USP31: variants seen among roughly 807,000 people sequenced by gnomAD.
The protein encoded by USP31 is ubiquitin carboxyl-terminal hydrolase 31.
USP31 carries 44 observed loss-of-function variants against 119.4 expected under a neutral mutation model. That is an observed-to-expected ratio of 0.37 (90% CI 0.29 to 0.47). USP31 has a LOEUF of 0.47. Ranked by LOEUF, USP31 falls within the 20% of genes least tolerant of loss-of-function variation. The probability of loss-of-function intolerance (pLI) is 0.99; values close to 1 mark genes in which losing one functional copy is unlikely to be tolerated. For synonymous variants in USP31, 749 were observed against 705.6 expected (o/e 1.06, Z -0.97); for missense variants, 1,643 against 1,730.2 (o/e 0.95, Z 0.89).
chr16:23,084,815 T>A (rs754377412), intron 11 of USP31, 45 bp downstream of exon 11: 1 of 1,604,890 alleles, frequency 6.2e-7, no homozygotes, highest in Non-Finnish European at 8.5e-7. Flanking sequence ...CATGCCCCAC[T>A]CCCCACTGCC....
At position 23,132,246 on chromosome 16, in the gene USP31, A is replaced by G. The variant is rs115561118; in HGVS notation, c.633+16392T>C. ...CAATTAATTAGCAGAGCAAACAATAATATTTTTGAAGGAAGAAGCAACAGA... is the reference window on the plus strand; with the variant it reads ...CAATTAATTAGCAGAGCAAACAATAGTATTTTTGAAGGAAGAAGCAACAGA... On this transcript the variant is annotated intron_variant, in intron 1 of 15. Coordinates refer to ENST00000219689, the MANE Select transcript of USP31 (RefSeq NM_020718.4). Among the ~76,000 whole-genome samples, 519 of 152,350 alleles carry G rather than the reference A, an allele frequency of 3.4e-3. 3 individuals are homozygous for G. The highest frequency in any genetic ancestry group is 0.012 in the African/African-American group (504 of 41,584).
In USP31 at chr16:23,148,774, G is replaced by C. The variant is rs755764020; in HGVS notation, c.497C>G (p.Pro166Arg). 1 of 1,531,922 alleles carries C rather than the reference G, an allele frequency of 6.5e-7. No homozygotes were observed. The highest frequency in any genetic ancestry group is 1.2e-5 in the South Asian group (1 of 80,812). 94.9% of individuals were successfully genotyped at this position (1,531,922 alleles called of 1,614,324 possible). The change falls in exon 1 of 16, where the codon CCC becomes CGC. Residue 166 changes from proline to arginine, a missense_variant. Coordinates refer to ENST00000219689, the MANE Select transcript of USP31 (RefSeq NM_020718.4). Reference sequence around the variant, plus strand: ...CTGCTCCGGGTCAGGCGAGGGCTCGGGCCGCCCCGCCCGGTACTGGCCCAG... The same window carrying C: ...CTGCTCCGGGTCAGGCGAGGGCTCGCGCCGCCCCGCCCGGTACTGGCCCAG... ...LALGQYRAGR[P>R]EPSPDPEQPA...
intron 1 of USP31, among the ~76,000 whole-genome samples, chr16:23,120,177 T>C (rs1366312678): frequency 6.6e-6 from 1 of 152,140 alleles, no homozygotes; most frequent in East Asian, 1.9e-4. Flanking sequence ...AATTTTGACT[T>C]ACAATCAACA....
At chr16:23,070,903 AATG>A (rs1567224436) in intron 15 of USP31, among the ~76,000 whole-genome samples, 1 of 152,204 alleles carries the variant, frequency 6.6e-6, no homozygotes, top group Non-Finnish European at 1.5e-5. Context: ...ACCATTATAC[AATG>A]ATGATGCTTA....
rs1180518508 is a variant in USP31 at position 23,149,177 on chromosome 16, G to T, written c.94C>A (p.Arg32Ser). Residue 32 changes from arginine (R) to serine (S), a missense_variant, in exon 1 of 16, where the codon CGC (arginine) becomes AGC (serine). Transcript: ENST00000219689. ...SFSKRLFRSG[R>S]AGGGGAGGPG... is the part of the protein sequence containing the mutation. ...CCCCCCGCGCCGCCGCCGCCAGCGC[G>T]GCCGCTCCGAAACAGCCGCTTGCTG... The T allele has an allele frequency of 4.3e-6, 5 of 1,165,304 alleles. No homozygotes were observed. The highest frequency in any genetic ancestry group is 4.0e-5 in the South Asian group (1 of 25,178). The allele number at this position is 1,165,304 out of a possible 1,614,324, so 72.2% of individuals were successfully genotyped here.
chr16:23,089,101 GA>G (rs1299807894), intron 7 of USP31, among the ~76,000 whole-genome samples: 1 of 152,156 alleles, frequency 6.6e-6, no homozygotes, highest in Non-Finnish European at 1.5e-5. Flanking sequence ...CTAGCATCAT[GA>G]AGGGAATTCC....
At chr16:23,089,623 C>A (rs1464048426) in intron 7 of USP31, among the ~76,000 whole-genome samples, 2 of 152,198 alleles carry the variant, frequency 1.3e-5, no homozygotes, top group African/African-American at 4.8e-5. Context: ...AACATAAAGG[C>A]TATTCTAACA....
intron 1 of USP31, among the ~76,000 whole-genome samples, chr16:23,114,917 C>G (rs1418656976): frequency 6.6e-6 from 1 of 152,130 alleles, no homozygotes; most frequent in African/African-American, 2.4e-5. Context: ...GCAGATACTC[C>G]CCAGACAAAA....
chr16:23,148,815 G>T lies in USP31; in HGVS notation c.456C>A (p.Phe152Leu). ...TLQCLSNTEL[F>L]AEYLALGQYR... ...ACTGGCCCAGCGCCAGGTACTCGGC[G>T]AAGAGCTCGGTGTTGCTGAGGCACT... The change falls in exon 1 of 16, where the codon TTC (phenylalanine) becomes TTA (leucine). Residue 152 changes from phenylalanine to leucine, a missense_variant. By Grantham distance (22) the Phe-to-Leu change is conservative. Coordinates refer to ENST00000219689, the MANE Select transcript of USP31 (RefSeq NM_020718.4). The T allele has an allele frequency of 6.5e-7, 1 of 1,538,336 alleles. No individual in the cohort carries two copies. The highest frequency in any genetic ancestry group is 8.7e-7 in the Non-Finnish European group (1 of 1,146,570).
chr16:23,093,146 G>A (rs916882465), intron 6 of USP31, among the ~76,000 whole-genome samples: 1 of 151,950 alleles, frequency 6.6e-6, no homozygotes, highest in African/African-American at 2.4e-5. Context: ...TAGATATGAC[G>A]ACAAAATTAT....
chr16:23,101,435 A>G (rs1378436439), intron 6 of USP31, among the ~76,000 whole-genome samples: 1 of 152,188 alleles, frequency 6.6e-6, no homozygotes. Context: ...GTGGAAGTCA[A>G]GGAATGGAAC....
chr16:23,091,520 T>C (rs951472255), intron 6 of USP31, among the ~76,000 whole-genome samples: 6 of 151,966 alleles, frequency 3.9e-5, no homozygotes, highest in African/African-American at 7.3e-5. Flanking sequence ...AGCTGGAAAA[T>C]AGAAGAAACC....
At chr16:23,130,879 G>A (rs1279667485) in intron 1 of USP31, among the ~76,000 whole-genome samples, 1 of 152,196 alleles carries the variant, frequency 6.6e-6, no homozygotes, top group Non-Finnish European at 1.5e-5. Context: ...TCACATAGGT[G>A]CTATGGGGTA....
chr16:23,105,365 A>C, intron 5 of USP31, 76 bp downstream of exon 5: 1 of 1,430,314 alleles, frequency 7.0e-7, no homozygotes, highest in South Asian at 1.7e-5. Flanking sequence ...TTGGCAAAGA[A>C]CTGTAAAAAA....
chr16:23,123,830 T>C (rs1012010367), intron 1 of USP31, among the ~76,000 whole-genome samples: 2 of 151,800 alleles, frequency 1.3e-5, no homozygotes, highest in African/African-American at 4.8e-5. Context: ...AGAGACCTGG[T>C]TTCTACCAAA....
In USP31 at chr16:23,068,321, C is replaced by CA; in HGVS notation, c.3783dup (p.Val1262CysfsTer3). 1 of 1,613,934 alleles carries CA rather than the reference C, an allele frequency of 6.2e-7. No homozygotes were observed. Among genetic ancestry groups the CA allele is most frequent in the Non-Finnish European group, 8.5e-7 (1 of 1,179,830 alleles). On this transcript the variant is annotated frameshift_variant, in exon 16 of 16. Transcript: ENST00000219689. LOFTEE classifies it high-confidence loss of function. ...TCGTCGTCCCCGGTGTTCTTACAGA[C>CA]AGACTTAACAGAGCTCCCACCAGCC...
intron 7 of USP31, among the ~76,000 whole-genome samples, chr16:23,089,347 C>A (rs571384595): frequency 4.7e-4 from 72 of 152,244 alleles, no homozygotes; most frequent in Non-Finnish European, 8.7e-4. Flanking sequence ...TGTTTTAATG[C>A]CTTCGACGTG....
chr16:23,123,563 A>T (rs1902750472), intron 1 of USP31, among the ~76,000 whole-genome samples: 1 of 152,092 alleles, frequency 6.6e-6, no homozygotes, highest in African/African-American at 2.4e-5. Flanking sequence ...TAAATAAAAT[A>T]AAAAATAAGA....
Position 23,149,322 on chromosome 16 carries a change from C to T in USP31, c.-52G>A. 6 of 1,011,952 alleles carry T rather than the reference C, an allele frequency of 5.9e-6. No homozygotes were observed. Among genetic ancestry groups the T allele is most frequent in the Non-Finnish European group, 7.1e-6 (6 of 849,112 alleles). The allele number at this position is 1,011,952 out of a possible 1,614,324, so 62.7% of individuals were successfully genotyped here. ...GCGCCCGCCCGCCCGGCCCGCGGCC[C>T]CGCCACGGCCGCCGCCGCATCCCGC... On this transcript the variant is annotated 5_prime_UTR_variant, in exon 1 of 16. Transcript: ENST00000219689.
Sources: gnomAD v4.1 joint callset for allele counts (sites outside exome capture counted in the v4.1 genomes callset) on GRCh38, gnomAD v4.1.1 for gene constraint, MANE v1.5 for transcripts, NCBI Gene and HGNC (gene_info 2026-07-23, HGNC 2026-07-21) for gene names.